SGSM3: variants seen among roughly 807,000 people sequenced by gnomAD.
SGSM3 encodes the protein small G protein signaling modulator 3, also known as RUN and SH3 containing 3.
In SGSM3, 96 loss-of-function variants were observed where a neutral mutation model predicts 100.5. The ratio of observed to expected loss-of-function variants is 0.96; its 90% CI spans 0.81 to 1.13. The LOEUF (loss-of-function observed/expected upper bound fraction) is 1.13, where lower values mean the gene tolerates loss of function less well. Among genes scored for constraint, SGSM3 ranks in the 50% most tolerant of loss-of-function variants. The probability of loss-of-function intolerance (pLI) is 0.00; values close to 1 mark genes in which losing one functional copy is unlikely to be tolerated. For synonymous variants in SGSM3, 483 were observed against 422.8 expected, an observed-to-expected ratio of 1.14 and a Z score of -1.75; for missense variants, 1,001 against 1,015.8, an observed-to-expected ratio of 0.99 and a Z score of 0.20.
chr22:40,399,571 A>G (rs1359453960), intron 1 of SGSM3, among the ~76,000 whole-genome samples: 1 of 152,230 alleles, frequency 6.6e-6, no homozygotes, highest in African/African-American at 2.4e-5. Flanking sequence ...TAAGGAATGA[A>G]TGTGTTGTAA....
intron 1 of SGSM3, chr22:40,376,351 T>C (rs2046592571): frequency 6.6e-6 from 1 of 151,994 alleles, no homozygotes; most frequent in Admixed American, 6.6e-5. Context: ...TGCAGTGGCA[T>C]GATCATAGCT....
chr22:40,384,132 T>C (rs912151550), intron 1 of SGSM3, among the ~76,000 whole-genome samples: 1 of 152,086 alleles, frequency 6.6e-6, no homozygotes, highest in African/African-American at 2.4e-5. Context: ...TAGTCCTAGC[T>C]ACTCAGGAGG....
chr22:40,406,675 G>T lies in SGSM3; in HGVS notation c.1185+13G>T, dbSNP rs369024081. ...CAACCTCTCTCAGGTGGCCCAGGAT[G>T]GGGGGCCGCACCTTGACCCACAGCA... On this transcript the variant is annotated intron_variant, in intron 10 of 21. Transcript: ENST00000248929. 6.9e-6 allele frequency: 11 copies of T among 1,596,230 alleles called. No homozygotes were observed. The highest frequency in any genetic ancestry group is 4.4e-5 in the South Asian group (4 of 89,984).
At chr22:40,401,716 G>T (rs371688782) in intron 3 of SGSM3, 41 bp downstream of exon 3, 1 of 1,563,110 alleles carries the variant, frequency 6.4e-7, no homozygotes, top group Non-Finnish European at 8.8e-7. Flanking sequence ...GTGCTCCCAC[G>T]CTGTGGTATG....
Position 40,406,231 on chromosome 22 carries a change from A to C in SGSM3, c.960+8A>C, listed in dbSNP as rs1462187020. ...GGCATGCTGCACCTCAAGGTGCTCC[A>C]CGGCCCCACTTCAGGCTGAGGAGTA... On this transcript the variant is annotated splice_region_variant and intron_variant, in intron 9 of 21. Coordinates refer to ENST00000248929, the MANE Select transcript of SGSM3 (RefSeq NM_015705.6). The C allele has an allele frequency of 6.2e-7, 1 of 1,613,488 alleles. No homozygotes were observed. Among genetic ancestry groups the C allele is most frequent in the Admixed American group, 1.7e-5 (1 of 59,976 alleles).
chr22:40,378,608 C>T (rs1173012530), intron 1 of SGSM3, among the ~76,000 whole-genome samples: 1 of 151,714 alleles, frequency 6.6e-6, no homozygotes, highest in Non-Finnish European at 1.5e-5. Context: ...TGGCGCATGC[C>T]TGTAATCCCA....
rs1470774992 is a variant in SGSM3 at position 40,409,323 on chromosome 22, T to C, written c.2062T>C (p.Trp688Arg). Residue 688 changes from tryptophan (W) to arginine (R), a missense_variant, in exon 20 of 22, where the codon TGG becomes CGG. Coordinates refer to ENST00000248929, the MANE Select transcript of SGSM3 (RefSeq NM_015705.6). ...LPTVEKWYQP[W>R]SFLRSPGWVQ... ...CACCGTGGAGAAGTGGTACCAGCCC[T>C]GGTCCTTCCTGCGCAGCCCGGGCTG... The C allele has an allele frequency of 6.2e-7, 1 of 1,613,182 alleles. No individual in the cohort carries two copies. The highest frequency in any genetic ancestry group is 2.2e-5 in the East Asian group (1 of 44,870).
At chr22:40,406,328 A>T in intron 9 of SGSM3, 105 bp downstream of exon 9, 1 of 1,531,812 alleles carries the variant, frequency 6.5e-7, no homozygotes, top group Non-Finnish European at 8.8e-7. Flanking sequence ...CTGGCCCCTG[A>T]CAACTGTGCC....
intron 1 of SGSM3, among the ~76,000 whole-genome samples, chr22:40,399,734 C>G (rs2146945999): frequency 6.6e-6 from 1 of 152,336 alleles, no homozygotes; most frequent in Admixed American, 6.5e-5. Context: ...ATTCTCTTCA[C>G]ACAGAACCAA....
chr22:40,404,056 C>G (rs2051112265), intron 4 of SGSM3, 191 bp from the exon 5 acceptor site: 3 of 442,590 alleles, frequency 6.8e-6, no homozygotes, highest in Non-Finnish European at 1.2e-5. Context: ...GAGCTTTGCT[C>G]CTCATGGGGT....
chr22:40,397,854 G>C (rs1324793339), intron 1 of SGSM3, among the ~76,000 whole-genome samples: 1 of 151,642 alleles, frequency 6.6e-6, no homozygotes, highest in Non-Finnish European at 1.5e-5. Context: ...AGCTTCTCCT[G>C]AACACTTGAT....
intron 1 of SGSM3, among the ~76,000 whole-genome samples, chr22:40,390,061 A>G (rs1250361691): frequency 2.6e-5 from 4 of 152,172 alleles, no homozygotes; most frequent in Non-Finnish European, 5.9e-5. Context: ...CTCATTGGCC[A>G]TTTCACAGAT....
At chr22:40,383,082 C>T (rs1258776979) in intron 1 of SGSM3, among the ~76,000 whole-genome samples, 1 of 152,320 alleles carries the variant, frequency 6.6e-6, no homozygotes, top group African/African-American at 2.4e-5. Flanking sequence ...TATTAAATCC[C>T]TAAGTACTGT....
rs756375943 is a variant in SGSM3 at position 40,405,235 on chromosome 22, C to T, written c.569C>T (p.Ala190Val). 4 of 1,571,234 alleles carry T rather than the reference C, an allele frequency of 2.5e-6. No homozygotes were observed. Among genetic ancestry groups the T allele is most frequent in the South Asian group, 2.3e-5 (2 of 86,252 alleles). Residue 190 changes from alanine to valine, a missense_variant, in exon 7 of 22, where the codon GCC becomes GTC. Transcript: ENST00000248929. ...CCCCGCCTGCGCAGGGTGCTCCGGGCCCTGGCCTGGCTCTACCCAGAGATC... is the reference window on the plus strand; with the variant it reads ...CCCCGCCTGCGCAGGGTGCTCCGGGTCCTGGCCTGGCTCTACCCAGAGATC... ...GVPRLRRVLR[A>V]LAWLYPEIGY...
chr22:40,375,555 G>A (rs1016900797), intron 1 of SGSM3, among the ~76,000 whole-genome samples: 52 of 151,536 alleles, frequency 3.4e-4, no homozygotes, highest in African/African-American at 1.0e-3. Flanking sequence ...ACTCCAGCCT[G>A]GGTGACAAGA....
In SGSM3 at chr22:40,409,296, C is replaced by T. The variant is rs778894819; in HGVS notation, c.2035C>T (p.Pro679Ser). 3.1e-6 allele frequency: 5 copies of T among 1,612,584 alleles called. No individual in the cohort carries two copies. In the South Asian group the frequency reaches 3.3e-5, roughly 11 times the overall value. Residue 679 changes from proline to serine, a missense_variant, in exon 20 of 22, where the codon CCC becomes TCC. Transcript: ENST00000248929. The part of the protein sequence containing the change: ...LWLEVLCSSL[P>S]TVEKWYQPWS... ...GCTGGAGGTGCTCTGCTCCAGCCTG[C>T]CCACCGTGGAGAAGTGGTACCAGCC...
chr22:40,389,630 G>A (rs1392315110), intron 1 of SGSM3, among the ~76,000 whole-genome samples: 12 of 141,804 alleles, frequency 8.5e-5, no homozygotes, highest in Middle Eastern at 4.7e-3. Context: ...AAAAAGGGCC[G>A]GGCGCGGTGG....
intron 9 of SGSM3, 40 bp downstream of exon 9, chr22:40,406,263 C>T (rs200600315): frequency 2.4e-5 from 39 of 1,609,936 alleles, no homozygotes; most frequent in Admixed American, 2.2e-4. Flanking sequence ...AGTAGGCACC[C>T]GAGATGGGGG....
In SGSM3 at chr22:40,407,322, C is replaced by T. The variant is rs745605126; in HGVS notation, c.1362C>T (p.Cys454=). ...RHFQCTDPKN[C]SVELTPDYSM... ...TCCAGTGCACAGACCCCAAAAACTG[C>T]AGCGTGGTGAGTCGCCAGCTCCCTG... The change falls in exon 12 of 22, where the codon TGC becomes TGT. Residue 454 remains cysteine (C), a synonymous_variant. Transcript: ENST00000248929. The surrounding 1 kb of genome is among the most constrained non-coding windows in gnomAD (Gnocchi z 4.7). 6.2e-7 allele frequency: 1 copy of T among 1,613,526 alleles called. No homozygotes were observed.
Sources: gnomAD v4.1 joint callset for allele counts (sites outside exome capture counted in the v4.1 genomes callset) on GRCh38, gnomAD v4.1.1 for gene constraint, Gnocchi (gnomAD v3.1) non-coding constraint, MANE v1.5 for transcripts, NCBI Gene and HGNC (gene_info 2026-07-23, HGNC 2026-07-21) for gene names.